Variants in LRRC7 observed in about 807,000 individuals in gnomAD.
LRRC7 encodes the protein leucine-rich repeat-containing protein 7.
Under a neutral mutation model 175.7 loss-of-function variants are expected in LRRC7, and 23 were observed. The ratio of observed to expected loss-of-function variants is 0.13; its 90% CI spans 0.09 to 0.19. The LOEUF (loss-of-function observed/expected upper bound fraction) is 0.19. Among genes scored for constraint, LRRC7 ranks in the 10% least tolerant of loss-of-function variants. The pLI, the probability that LRRC7 is intolerant of heterozygous loss-of-function variation, is 1.00. For missense variants in LRRC7, 1,354 were observed against 1,904.7 expected, an observed-to-expected ratio of 0.71 and a Z score of 5.38; for synonymous variants, 685 against 680.9, an observed-to-expected ratio of 1.01 and a Z score of -0.09.
chr1:70,055,753 A>T lies in LRRC7; in HGVS notation c.4230+2608A>T, dbSNP rs79010022. ...AGAACCCCATCACAAGAACAGCAAG[A>T]GGAAAATCCACTCCCGTGATTCAAA... On this transcript the variant is annotated intron_variant, in intron 23 of 26. Coordinates refer to ENST00000651989, the MANE Select transcript of LRRC7 (RefSeq NM_001370785.2). Among the ~76,000 whole-genome samples, 361 of 152,310 alleles carry T rather than the reference A, an allele frequency of 2.4e-3. 4 individuals carry two copies. Among genetic ancestry groups the T allele is most frequent in the African/African-American group, 8.1e-3 (338 of 41,570 alleles).
chr1:70,066,416 C>A (rs565143354), intron 23 of LRRC7, among the ~76,000 whole-genome samples: 1 of 152,076 alleles, frequency 6.6e-6, no homozygotes, highest in East Asian at 1.9e-4. Flanking sequence ...TAACTCCTGG[C>A]ATTTCTATAA....
chr1:70,112,619 A>G (rs1665599042), intron 26 of LRRC7, among the ~76,000 whole-genome samples: 1 of 152,186 alleles, frequency 6.6e-6, no homozygotes, highest in Non-Finnish European at 1.5e-5. Context: ...CACAAACAAA[A>G]GTACAAGATG....
intron 7 of LRRC7, among the ~76,000 whole-genome samples, chr1:69,839,574 GC>G (rs113264511): frequency 0.098 from 14,828 of 152,044 alleles, 1,686 homozygotes; most frequent in African/African-American, 0.28. Flanking sequence ...CATCCCTGAT[GC>G]TTTTGTCTGC....
At position 69,710,086 on chromosome 1, in the gene LRRC7, G is replaced by C. The variant is rs193255955; in HGVS notation, c.100+31608G>C. 3.0e-3 allele frequency among the ~76,000 whole-genome samples: 458 copies of C among 151,912 alleles called. 1 individual carries two copies. Among genetic ancestry groups the C allele is most frequent in the Non-Finnish European group, 5.0e-3 (337 of 67,948 alleles). ...AGGTCAGGAGATCAAGCCCACCCTG[G>C]CTAACACAGTGAAACCCCATATTTA... On this transcript the variant is annotated intron_variant, in intron 2 of 26. Transcript: ENST00000651989.
At chr1:70,062,822 C>T (rs1381940500) in intron 23 of LRRC7, among the ~76,000 whole-genome samples, 1 of 151,848 alleles carries the variant, frequency 6.6e-6, no homozygotes, top group Non-Finnish European at 1.5e-5. Flanking sequence ...TTATTTAATT[C>T]ATAGGTGTTT....
intron 1 of LRRC7, among the ~76,000 whole-genome samples, chr1:69,620,806 G>A (rs1650445514): frequency 1.3e-5 from 2 of 152,110 alleles, no homozygotes; most frequent in Admixed American, 1.3e-4. Flanking sequence ...TTATGTAAAT[G>A]CACTTTGTTG....
chr1:69,711,614 A>C (rs554529413), intron 2 of LRRC7, among the ~76,000 whole-genome samples: 1 of 152,342 alleles, frequency 6.6e-6, no homozygotes, highest in South Asian at 2.1e-4. Context: ...AATTTCATTT[A>C]AATATAATTG....
chr1:69,909,290 G>A (rs1437740863), intron 7 of LRRC7, among the ~76,000 whole-genome samples: 3 of 152,094 alleles, frequency 2.0e-5, no homozygotes, highest in Non-Finnish European at 4.4e-5. Context: ...ATATTGTTAT[G>A]TGTGTATTTG....
intron 2 of LRRC7, among the ~76,000 whole-genome samples, chr1:69,698,601 A>G (rs907239310): frequency 2.6e-5 from 4 of 152,194 alleles, no homozygotes; most frequent in African/African-American, 9.7e-5. Context: ...CACCCCTGCA[A>G]CCAGGCTCAT....
At chr1:69,591,141 G>C (rs1186784440) in intron 1 of LRRC7, among the ~76,000 whole-genome samples, 1 of 152,046 alleles carries the variant, frequency 6.6e-6, no homozygotes, top group Admixed American at 6.6e-5. Flanking sequence ...TTACATATCA[G>C]AGGAATACCC....
At chr1:69,685,203 C>T (rs1484839949) in intron 2 of LRRC7, among the ~76,000 whole-genome samples, 1 of 152,096 alleles carries the variant, frequency 6.6e-6, no homozygotes, top group Non-Finnish European at 1.5e-5. Flanking sequence ...GAACTAAAGC[C>T]CACAAAATTA....
At chr1:69,934,160 AGAG>A (rs1402444060) in intron 8 of LRRC7, among the ~76,000 whole-genome samples, 13 of 152,188 alleles carry the variant, frequency 8.5e-5, no homozygotes, top group Admixed American at 5.9e-4. Flanking sequence ...CATGTGGAGG[AGAG>A]GAGATCAAAT....
At chr1:69,877,454 A>G (rs1686143584) in intron 7 of LRRC7, among the ~76,000 whole-genome samples, 1 of 152,170 alleles carries the variant, frequency 6.6e-6, no homozygotes, top group South Asian at 2.1e-4. Context: ...CCCTGTCTCT[A>G]AAGCTACTTA....
chr1:69,709,889 G>A (rs1165151107), intron 2 of LRRC7, among the ~76,000 whole-genome samples: 1 of 152,078 alleles, frequency 6.6e-6, no homozygotes, highest in Non-Finnish European at 1.5e-5. Context: ...TAATGGTAGG[G>A]AGAGGGAAAA....
chr1:69,611,944 C>T (rs986269967), intron 1 of LRRC7, among the ~76,000 whole-genome samples: 3 of 152,012 alleles, frequency 2.0e-5, no homozygotes, highest in African/African-American at 4.8e-5. Context: ...CAAATGACCA[C>T]GGAAGTGTCA....
Position 69,990,766 on chromosome 1 carries a change from T to C in LRRC7, c.932-3795T>C, listed in dbSNP as rs191049662. On this transcript the variant is annotated intron_variant, in intron 10 of 26. Coordinates refer to ENST00000651989, the MANE Select transcript of LRRC7 (RefSeq NM_001370785.2). ...AAAATAAAATGTAAAAATGATAAAA[T>C]AGAAGTTATAAATAAGATGGTAAAA... is the stretch of plus-strand genomic sequence containing the variant. Among the ~76,000 whole-genome samples the C allele has an allele frequency of 1.5e-3, 226 of 152,092 alleles. 1 individual carries two copies. Among genetic ancestry groups the C allele is most frequent in the Non-Finnish European group, 1.5e-3 (100 of 67,972 alleles).
At chr1:69,773,534 G>A (rs891358762) in intron 3 of LRRC7, among the ~76,000 whole-genome samples, 1 of 152,122 alleles carries the variant, frequency 6.6e-6, no homozygotes, top group Non-Finnish European at 1.5e-5. Flanking sequence ...GGAATTAAGG[G>A]CCTTAAATGT....
rs1678261707 is a variant in LRRC7 at position 69,813,859 on chromosome 1, AT to A, written c.422-11887del. ...AGAGCTTGGATTACGTGGTCTACAA[AT>A]TATTGACCCTGTTTAATCACAAGTC... On this transcript the variant is annotated intron_variant, in intron 4 of 26. Coordinates refer to ENST00000651989, the MANE Select transcript of LRRC7 (RefSeq NM_001370785.2). Among the ~76,000 whole-genome samples, 3 of 152,264 alleles carry A rather than the reference AT, an allele frequency of 2.0e-5. No homozygotes were observed. In the South Asian group the frequency reaches 6.2e-4, roughly 32 times the overall value.
rs1247369692 is a variant in LRRC7, at chr1:70,124,153, A to T, written c.*2266A>T. Among the ~76,000 whole-genome samples the T allele has an allele frequency of 6.6e-6, 1 of 152,226 alleles. No homozygotes were observed. The highest frequency in any genetic ancestry group is 1.9e-4 in the East Asian group (1 of 5,196). Reference sequence around the variant, plus strand: ...AGAAAAGGGATCCTTGACCAACTGGAAAAGTTATCTGATATGCCAAAGCAC... The same window carrying T: ...AGAAAAGGGATCCTTGACCAACTGGTAAAGTTATCTGATATGCCAAAGCAC... On this transcript the variant is annotated 3_prime_UTR_variant, in exon 27 of 27. Transcript: ENST00000651989.
Sources: allele counts gnomAD v4.1 joint callset (sites outside exome capture counted in the v4.1 genomes callset), GRCh38; gene constraint gnomAD v4.1.1; transcripts MANE v1.5; gene names NCBI Gene and HGNC (gene_info 2026-07-23, HGNC 2026-07-21).